The following COG2 variants were observed in gnomAD, a reference collection of about 807,000 sequenced individuals.
COG2 encodes component of oligomeric golgi complex 2.
Under a neutral mutation model 90.6 loss-of-function variants are expected in COG2, and 52 were observed. The observed-to-expected ratio is 0.57, with a 90% CI of 0.46 to 0.72. COG2 has a LOEUF of 0.72. Ranked by LOEUF, COG2 falls within the 30% of genes least tolerant of loss-of-function variation. The pLI is 0.00. For missense variants in COG2, 829 were observed against 891.2 expected (o/e 0.93, Z 0.89); for synonymous variants, 337 against 320.4 (o/e 1.05, Z -0.55).
At chr1:230,665,237 G>A (rs960949147) in intron 5 of COG2, among the ~76,000 whole-genome samples, 27 of 152,258 alleles carry the variant, frequency 1.8e-4, no homozygotes, top group African/African-American at 5.8e-4. Flanking sequence ...CAGCTGGGTA[G>A]CCTGAGTCAG....
intron 2 of COG2, 54 bp downstream of exon 2, chr1:230,659,679 A>G (rs1662141252): frequency 1.9e-6 from 3 of 1,548,374 alleles, no homozygotes; most frequent in Admixed American, 3.8e-5. Flanking sequence ...TTTCTCACTC[A>G]TACTTATTCT....
chr1:230,645,266 CA>C (rs1661741393), intron 1 of COG2, among the ~76,000 whole-genome samples: 1 of 141,662 alleles, frequency 7.1e-6, no homozygotes, highest in Non-Finnish European at 1.5e-5. Flanking sequence ...AGAAAATGTA[CA>C]AACACTCTTA....
intron 10 of COG2, chr1:230,681,339 G>A (rs918868628): frequency 3.3e-5 from 5 of 152,108 alleles, no homozygotes. Flanking sequence ...TGTATATACT[G>A]TATTACATAG....
At position 230,654,607 on chromosome 1, in the gene COG2, A is replaced by G. The variant is rs544355837; in HGVS notation, c.73-4857A>G. Among the ~76,000 whole-genome samples the G allele has an allele frequency of 1.1e-4, 17 of 151,612 alleles. 1 individual carries two copies. In the South Asian group the frequency reaches 3.3e-3, roughly 30 times the overall value. ...TCTTGGCTATGCGAGCTCTTCTTTG[A>G]GAAGACTTTTTCCAATTCTGTGAAA... is the stretch of plus-strand genomic sequence containing the variant. On this transcript the variant is annotated intron_variant, in intron 1 of 17. Transcript: ENST00000366669.
At chr1:230,679,266 A>G (rs1662674923) in intron 10 of COG2, 1 of 442,798 alleles carries the variant, frequency 2.3e-6, no homozygotes, top group Non-Finnish European at 3.9e-6. Flanking sequence ...TTTTTTGGTA[A>G]TTGGAGAGCT....
At chr1:230,670,187 T>C (rs970720839) in intron 7 of COG2, 5 of 152,248 alleles carry the variant, frequency 3.3e-5, no homozygotes, top group Non-Finnish European at 5.9e-5. Flanking sequence ...GAAACAAGTA[T>C]ATCCCACTTC....
At chr1:230,685,455 G>T (rs1662865023) in intron 12 of COG2, among the ~76,000 whole-genome samples, 1 of 151,858 alleles carries the variant, frequency 6.6e-6, no homozygotes. Context: ...AACTTATTTT[G>T]TTGAAAAGCA....
At position 230,678,896 on chromosome 1, in the gene COG2, C is replaced by G. The variant is rs1179783110; in HGVS notation, c.1027-17C>G. On this transcript the variant is annotated splice_polypyrimidine_tract_variant and intron_variant, in intron 9 of 17. Transcript: ENST00000366669. ...TAGTGTTCTAATAATGAAAATTTTC[C>G]TTTTGTTTTATTTTAGAAATATACC... 13 of 1,604,614 alleles carry G rather than the reference C, an allele frequency of 8.1e-6. No homozygotes were observed. The Admixed American group carries it at 2.2e-4, about 27-fold the overall frequency.
At chr1:230,688,183 A>C (rs762674086) in intron 14 of COG2, 40 bp downstream of exon 14, 1 of 1,402,552 alleles carries the variant, frequency 7.1e-7, no homozygotes, top group Non-Finnish European at 9.9e-7. Flanking sequence ...TTGAATAAGA[A>C]ATGATTTAAA....
chr1:230,685,303 C>A (rs532183846), intron 12 of COG2, 67 bp downstream of exon 12: 3 of 1,544,280 alleles, frequency 1.9e-6, no homozygotes, highest in Non-Finnish European at 2.7e-6. Flanking sequence ...GTTAGGCTAA[C>A]TCCCTAAGAT....
intron 12 of COG2, among the ~76,000 whole-genome samples, chr1:230,685,675 G>C (rs1264274420): frequency 6.6e-6 from 1 of 151,986 alleles, no homozygotes; most frequent in African/African-American, 2.4e-5. Context: ...TTCTTTTTTT[G>C]AATATCCTTT....
At chr1:230,653,901 A>G (rs1254395463) in intron 1 of COG2, among the ~76,000 whole-genome samples, 1 of 151,992 alleles carries the variant, frequency 6.6e-6, no homozygotes, top group African/African-American at 2.4e-5. Flanking sequence ...TAAAAGCATG[A>G]ATACATTCAT....
intron 1 of COG2, among the ~76,000 whole-genome samples, chr1:230,646,911 A>G (rs1331625582): frequency 1.3e-5 from 2 of 151,828 alleles, no homozygotes; most frequent in Non-Finnish European, 2.9e-5. Flanking sequence ...AAATTTGTCT[A>G]CTTCTCTCCA....
chr1:230,685,176 G>A lies in COG2; in HGVS notation c.1320G>A (p.Val440=), dbSNP rs2102771353. 2.5e-6 allele frequency: 4 copies of A among 1,614,158 alleles called. No individual in the cohort carries two copies. Among genetic ancestry groups the A allele is most frequent in the African/African-American group, 2.7e-5 (2 of 75,036 alleles). ...ATGAGATGTTCTTGCCATTACTGGTGCATCGCCTGTGGAGACTCACTCTGC... is the reference window on the plus strand; with the variant it reads ...ATGAGATGTTCTTGCCATTACTGGTACATCGCCTGTGGAGACTCACTCTGC... ...WSDEMFLPLL[V]HRLWRLTLQI... is the part of the protein sequence containing the mutation. The change falls in exon 12 of 18, where the codon GTG becomes GTA. Residue 440 remains valine (V), a synonymous_variant. Transcript: ENST00000366669.
At chr1:230,671,708 C>G in intron 8 of COG2, 68 bp downstream of exon 8, 1 of 1,444,192 alleles carries the variant, frequency 6.9e-7, no homozygotes, top group Non-Finnish European at 9.6e-7. Flanking sequence ...ATTGCAGGTG[C>G]ACGATGGACG....
chr1:230,682,184 G>A (rs1392955552), intron 10 of COG2: 1 of 152,148 alleles, frequency 6.6e-6, no homozygotes, highest in African/African-American at 2.4e-5. Context: ...TATAAACAGT[G>A]CTGTGCCAGC....
At chr1:230,683,910 G>A (rs980834398) in intron 11 of COG2, among the ~76,000 whole-genome samples, 4 of 151,954 alleles carry the variant, frequency 2.6e-5, no homozygotes, top group Admixed American at 1.3e-4. Flanking sequence ...TCCTGGCTTA[G>A]CCTCGAAAGT....
chr1:230,662,017 C>T (rs1662191988), intron 3 of COG2, among the ~76,000 whole-genome samples: 1 of 151,966 alleles, frequency 6.6e-6, no homozygotes, highest in South Asian at 2.1e-4. Context: ...CCTCAGTCCT[C>T]AGCCCTCTCC....
chr1:230,683,036 A>G (rs1429602033), intron 10 of COG2: 3 of 152,876 alleles, frequency 2.0e-5, no homozygotes, highest in African/African-American at 7.2e-5. Flanking sequence ...CCCGAAGGGC[A>G]AGTACCATGG....
Sources: gnomAD v4.1 joint callset for allele counts (sites outside exome capture counted in the v4.1 genomes callset) on GRCh38, gnomAD v4.1.1 for gene constraint, MANE v1.5 for transcripts, NCBI Gene and HGNC (gene_info 2026-07-23, HGNC 2026-07-21) for gene names.